GPR39: variants seen among roughly 807,000 people sequenced by gnomAD.
GPR39 encodes zinc sensing receptor.
Under a neutral mutation model 18.4 loss-of-function variants are expected in GPR39, and 23 were observed. That is an observed-to-expected ratio of 1.25 (90% CI 0.90 to 1.77). The LOEUF (loss-of-function observed/expected upper bound fraction) is 1.77, where lower values mean the gene tolerates loss of function less well. Among genes scored for constraint, GPR39 ranks in the 40% most tolerant of loss-of-function variants. The probability of loss-of-function intolerance (pLI) is 0.00; values close to 1 mark genes in which losing one functional copy is unlikely to be tolerated. For synonymous variants in GPR39, 280 were observed against 257.9 expected, an observed-to-expected ratio of 1.09 and a Z score of -0.82; for missense variants, 647 against 602.4, an observed-to-expected ratio of 1.07 and a Z score of -0.78.
chr2:132,635,261 T>A (rs1474645573), intron 1 of GPR39, among the ~76,000 whole-genome samples: 1 of 152,220 alleles, frequency 6.6e-6, no homozygotes, highest in Non-Finnish European at 1.5e-5. Flanking sequence ...CTGCAAACAT[T>A]TATTGAGCAG....
At chr2:132,460,723 T>C (rs759910134) in intron 1 of GPR39, among the ~76,000 whole-genome samples, 43 of 152,310 alleles carry the variant, frequency 2.8e-4, no homozygotes, top group Non-Finnish European at 5.4e-4. Context: ...TCTCTGTCTT[T>C]TTTTTTTCCT....
At chr2:132,532,087 T>C (rs1367569380) in intron 1 of GPR39, among the ~76,000 whole-genome samples, 1 of 151,916 alleles carries the variant, frequency 6.6e-6, no homozygotes, top group East Asian at 1.9e-4. Context: ...ATCAACAAAA[T>C]TGATAGACCA....
intron 1 of GPR39, among the ~76,000 whole-genome samples, chr2:132,639,587 G>A (rs547306208): frequency 3.3e-5 from 5 of 152,204 alleles, no homozygotes; most frequent in Non-Finnish European, 7.3e-5. Flanking sequence ...TCCATTTTTA[G>A]TAGGTACTTA....
intron 1 of GPR39, among the ~76,000 whole-genome samples, chr2:132,613,405 T>C (rs550145317): frequency 1.3e-5 from 2 of 152,338 alleles, no homozygotes; most frequent in South Asian, 2.1e-4. Flanking sequence ...GCAAAACTTA[T>C]GCATCCTTCA....
chr2:132,420,199 T>C (rs999157993), intron 1 of GPR39, among the ~76,000 whole-genome samples: 1 of 152,228 alleles, frequency 6.6e-6, no homozygotes, highest in South Asian at 2.1e-4. Context: ...AGGTGCTCAA[T>C]GTGCGATAAT....
At chr2:132,629,223 A>G (rs1301434943) in intron 1 of GPR39, among the ~76,000 whole-genome samples, 1 of 152,194 alleles carries the variant, frequency 6.6e-6, no homozygotes, top group Non-Finnish European at 1.5e-5. Context: ...ATGTGATGCT[A>G]TGATGCTAGG....
At chr2:132,485,445 A>T (rs915291683) in intron 1 of GPR39, among the ~76,000 whole-genome samples, 1 of 152,214 alleles carries the variant, frequency 6.6e-6, no homozygotes, top group Non-Finnish European at 1.5e-5. Context: ...ATTTCTCTAT[A>T]GCAAGCAATA....
At chr2:132,553,692 G>T (rs887747693) in intron 1 of GPR39, among the ~76,000 whole-genome samples, 1 of 152,140 alleles carries the variant, frequency 6.6e-6, no homozygotes, top group South Asian at 2.1e-4. Flanking sequence ...GCCCTCTGGG[G>T]TAGGCCCAGT....
At chr2:132,546,572 C>G (rs904457182) in intron 1 of GPR39, among the ~76,000 whole-genome samples, 53 of 152,162 alleles carry the variant, frequency 3.5e-4, no homozygotes, top group African/African-American at 1.1e-3. Context: ...CTTGTCTACC[C>G]AGTATTCCTA....
chr2:132,611,020 G>A (rs979081422), intron 1 of GPR39, among the ~76,000 whole-genome samples: 10 of 152,282 alleles, frequency 6.6e-5, no homozygotes, highest in Non-Finnish European at 1.3e-4. Context: ...AATCTCCTGG[G>A]AGGCTGAGAA....
chr2:132,498,480 G>A (rs1681691109), intron 1 of GPR39, among the ~76,000 whole-genome samples: 1 of 152,092 alleles, frequency 6.6e-6, no homozygotes, highest in Non-Finnish European at 1.5e-5. Context: ...CTCATTGATG[G>A]GCATTTGGGC....
intron 1 of GPR39, among the ~76,000 whole-genome samples, chr2:132,434,363 G>A (rs998287295): frequency 3.9e-5 from 6 of 152,172 alleles, no homozygotes; most frequent in Admixed American, 3.3e-4. Context: ...CAGCAAGAAG[G>A]CCTGGACAAT....
intron 1 of GPR39, among the ~76,000 whole-genome samples, chr2:132,621,645 G>A (rs1158740294): frequency 1.3e-5 from 2 of 152,170 alleles, no homozygotes; most frequent in African/African-American, 4.8e-5. Flanking sequence ...GACAGCTGGG[G>A]TGCCACAGAA....
intron 1 of GPR39, among the ~76,000 whole-genome samples, chr2:132,552,911 T>C (rs199883855): frequency 4.2e-5 from 3 of 71,296 alleles, no homozygotes; most frequent in African/African-American, 1.8e-4. Flanking sequence ...TACACACACA[T>C]ATATATACAC....
At chr2:132,511,521 A>G (rs1679241195) in intron 1 of GPR39, among the ~76,000 whole-genome samples, 1 of 152,214 alleles carries the variant, frequency 6.6e-6, no homozygotes, top group Admixed American at 6.5e-5. Context: ...AGTTGGTAAG[A>G]TCGTATGTTA....
At chr2:132,506,844 G>C (rs1679143293) in intron 1 of GPR39, among the ~76,000 whole-genome samples, 1 of 149,530 alleles carries the variant, frequency 6.7e-6, no homozygotes, top group Non-Finnish European at 1.5e-5. Flanking sequence ...TATTTGCCCA[G>C]ACCAATGTCC....
chr2:132,468,821 G>C (rs1028660239), intron 1 of GPR39, among the ~76,000 whole-genome samples: 2 of 152,172 alleles, frequency 1.3e-5, no homozygotes, highest in Non-Finnish European at 2.9e-5. Context: ...CCTGGAAAAA[G>C]GGGACAGATG....
rs545435839 is a variant in GPR39, at chr2:132,498,134, G to A, written c.856+80236G>A. ...GGTTTTTGGGGAACAGATAATGCTT[G>A]ATTACATGAATAGGTTTTTTAGTGG... On this transcript the variant is annotated intron_variant, in intron 1 of 1. Coordinates refer to ENST00000329321, the MANE Select transcript of GPR39 (RefSeq NM_001508.3). Among the ~76,000 whole-genome samples the A allele has an allele frequency of 3.3e-5, 5 of 152,236 alleles. No homozygotes were observed. In the South Asian group the frequency reaches 1.0e-3, roughly 32 times the overall value.
intron 1 of GPR39, among the ~76,000 whole-genome samples, chr2:132,471,769 A>G (rs763615594): frequency 2.6e-5 from 4 of 151,836 alleles, no homozygotes; most frequent in African/African-American, 4.8e-5. Flanking sequence ...AGTTAGCCCC[A>G]GGTCATTGTC....
Sources: gnomAD v4.1 joint callset for allele counts (sites outside exome capture counted in the v4.1 genomes callset) on GRCh38, gnomAD v4.1.1 for gene constraint, MANE v1.5 for transcripts, NCBI Gene and HGNC (gene_info 2026-07-23, HGNC 2026-07-21) for gene names.